The following SMYD2 variants were observed in gnomAD, a reference collection of about 807,000 sequenced individuals.
SMYD2 encodes the protein SET and MYND domain containing 2, also known as N-lysine methyltransferase SMYD2.
In SMYD2, 53 loss-of-function variants were observed where a neutral mutation model predicts 59.1. The ratio of observed to expected loss-of-function variants is 0.90; its 90% CI spans 0.72 to 1.13. The LOEUF (loss-of-function observed/expected upper bound fraction) is 1.13. SMYD2 is among the 50% of genes most tolerant of loss of function. The pLI, the probability that SMYD2 is intolerant of heterozygous loss-of-function variation, is 0.00. For synonymous variants in SMYD2, 208 were observed against 198.8 expected (o/e 1.05, Z -0.39); for missense variants, 494 against 544.7 (o/e 0.91, Z 0.93).
At chr1:214,321,297 GAATT>G (rs1401797896) in intron 5 of SMYD2, among the ~76,000 whole-genome samples, 4 of 152,012 alleles carry the variant, frequency 2.6e-5, no homozygotes, top group Admixed American at 6.6e-5. Flanking sequence ...TAACTATAGA[GAATT>G]AATTCCTTTA....
intron 10 of SMYD2, chr1:214,332,471 A>G (rs1045912677): frequency 1.5e-5 from 4 of 269,714 alleles, no homozygotes; most frequent in Admixed American, 5.0e-5. Flanking sequence ...AACTCAGGCT[A>G]GTTTTGAGAA....
intron 2 of SMYD2, among the ~76,000 whole-genome samples, chr1:214,307,937 G>A (rs898749652): frequency 1.7e-4 from 26 of 152,326 alleles, no homozygotes; most frequent in Non-Finnish European, 2.9e-4. Flanking sequence ...ACAGGTGGCC[G>A]CCTCATAATG....
chr1:214,291,727 C>T (rs1558048458), intron 1 of SMYD2, among the ~76,000 whole-genome samples: 2 of 152,190 alleles, frequency 1.3e-5, no homozygotes, highest in Non-Finnish European at 2.9e-5. Context: ...AGTCCTACAA[C>T]TACAACACCC....
intron 3 of SMYD2, among the ~76,000 whole-genome samples, chr1:214,315,706 G>C (rs988910772): frequency 7.9e-5 from 12 of 152,222 alleles, no homozygotes; most frequent in African/African-American, 2.9e-4. Flanking sequence ...ACCCACCAGA[G>C]CCAGGGCTTA....
intron 8 of SMYD2, 69 bp from the exon 9 acceptor site, chr1:214,330,881 T>G: frequency 6.2e-7 from 1 of 1,609,298 alleles, no homozygotes; most frequent in Non-Finnish European, 8.5e-7. Context: ...GTGTATTATA[T>G]GAGAGGTTTC....
At chr1:214,311,523 G>T (rs929566124) in intron 2 of SMYD2, among the ~76,000 whole-genome samples, 3 of 152,142 alleles carry the variant, frequency 2.0e-5, no homozygotes, top group Admixed American at 6.5e-5. Flanking sequence ...GCTTCGCTGC[G>T]AGTGGGGATA....
At position 214,281,194 on chromosome 1, in the gene SMYD2, A is replaced by C. The variant is rs139477112; in HGVS notation, c.-61A>C. 5,373 of 1,172,586 alleles carry C rather than the reference A, an allele frequency of 4.6e-3. 208 individuals carry two copies. The African/African-American group carries it at 0.077, about 17-fold the overall frequency. The allele number at this position is 1,172,586 out of a possible 1,614,324, so 72.6% of individuals were successfully genotyped here. On this transcript the variant is annotated 5_prime_UTR_variant, in exon 1 of 12. Coordinates refer to ENST00000366957, the MANE Select transcript of SMYD2 (RefSeq NM_020197.3). The stretch of plus-strand genomic sequence containing the variant: ...CCGCAGCTCTAGGTGACGCGTCTCC[A>C]ATAACAGCTCGCCGGGAGCCGCAGC...
chr1:214,319,832 G>A (rs1657141955), intron 5 of SMYD2, among the ~76,000 whole-genome samples: 1 of 152,248 alleles, frequency 6.6e-6, no homozygotes, highest in Admixed American at 6.5e-5. Flanking sequence ...CTCCATGGGA[G>A]CAAGAAGCTA....
At chr1:214,288,267 C>A (rs1380232806) in intron 1 of SMYD2, among the ~76,000 whole-genome samples, 1 of 152,186 alleles carries the variant, frequency 6.6e-6, no homozygotes, top group Non-Finnish European at 1.5e-5. Flanking sequence ...TTGATCCTTC[C>A]AAGGATGGCT....
intron 6 of SMYD2, among the ~76,000 whole-genome samples, chr1:214,325,499 G>A (rs982554315): frequency 3.3e-5 from 5 of 152,126 alleles, no homozygotes; most frequent in Non-Finnish European, 5.9e-5. Flanking sequence ...ATACTGCAGG[G>A]GCCTTTGCCT....
chr1:214,304,601 TA>T (rs1374589990), intron 1 of SMYD2, among the ~76,000 whole-genome samples: 3 of 147,430 alleles, frequency 2.0e-5, no homozygotes, highest in Middle Eastern at 3.4e-3. Flanking sequence ...CTCCACTTGC[TA>T]GGTTGCACTT....
chr1:214,324,641 G>A lies in SMYD2; in HGVS notation c.535G>A (p.Val179Ile). The change falls in exon 6 of 12, where the codon GTT becomes ATT. Residue 179 changes from valine to isoleucine, a missense_variant and splice_region_variant. Val to Ile is a conservative substitution (Grantham distance 29, BLOSUM62 3). Coordinates refer to ENST00000366957, the MANE Select transcript of SMYD2 (RefSeq NM_020197.3). ...CCTTTCTCCCTTTTTCTTGCTGCAG[G>A]TTAACTGTAATGGCTTCACAATTGA... is the stretch of plus-strand genomic sequence containing the variant. ...NDSLVVLFAQVNCNGFTIEDE... is the reference protein window; with the variant it reads ...NDSLVVLFAQINCNGFTIEDE... 1 of 1,609,094 alleles carries A rather than the reference G, an allele frequency of 6.2e-7. No homozygotes were observed. Among genetic ancestry groups the A allele is most frequent in the Non-Finnish European group, 8.5e-7 (1 of 1,177,958 alleles).
At chr1:214,327,570 A>T in intron 6 of SMYD2, 52 bp from the exon 7 acceptor site, 1 of 1,453,108 alleles carries the variant, frequency 6.9e-7, no homozygotes, top group Non-Finnish European at 9.7e-7. Flanking sequence ...AAGGAAGCTA[A>T]ACAGTCTGCC....
intron 11 of SMYD2, among the ~76,000 whole-genome samples, chr1:214,336,151 G>A (rs929987803): frequency 4.3e-5 from 4 of 92,002 alleles, no homozygotes; most frequent in East Asian, 2.5e-4. Context: ...TCATGACATC[G>A]TTTCTCCAGC....
intron 1 of SMYD2, among the ~76,000 whole-genome samples, chr1:214,282,065 A>G (rs1327975952): frequency 6.6e-6 from 1 of 152,226 alleles, no homozygotes; most frequent in African/African-American, 2.4e-5. Context: ...TTAGGAAAAC[A>G]TGGTCGCAGG....
Position 214,318,141 on chromosome 1 carries a change from T to A in SMYD2, c.409+2T>A. On this transcript the variant is annotated splice_donor_variant, in intron 4 of 11. Coordinates refer to ENST00000366957, the MANE Select transcript of SMYD2 (RefSeq NM_020197.3). LOFTEE classifies it high-confidence loss of function. The surrounding 1 kb of genome is among the most constrained non-coding windows in gnomAD (Gnocchi z 5.4). ...TAGCTGTGAAGGAGTTTGAATCACG[T>A]AAGTCTTTCTGTGACCAGCCGCGCA... 6.2e-7 allele frequency: 1 copy of A among 1,613,806 alleles called. No homozygotes were observed. The highest frequency in any genetic ancestry group is 1.1e-5 in the South Asian group (1 of 90,980).
At position 214,334,261 on chromosome 1, in the gene SMYD2, TACATGGGCCTGGA is replaced by T. The variant is rs1657402031; in HGVS notation, c.1178_1190del (p.Met393ThrfsTer9). 1.2e-6 allele frequency: 2 copies of T among 1,613,934 alleles called. No individual in the cohort carries two copies. The highest frequency in any genetic ancestry group is 1.7e-6 in the Non-Finnish European group (2 of 1,180,044). On this transcript the variant is annotated frameshift_variant, in exon 11 of 12. Transcript: ENST00000366957. LOFTEE classifies it high-confidence loss of function. Reference sequence around the variant, plus strand: ...CATGTGGTTGAAGCTAGGGAGACTCTACATGGGCCTGGAACACAAAGCCGCAGGGGAGAAAGCC... The same window carrying T: ...CATGTGGTTGAAGCTAGGGAGACTCTACACAAAGCCGCAGGGGAGAAAGCC...
chr1:214,316,077 G>C (rs535717377), intron 3 of SMYD2, among the ~76,000 whole-genome samples: 1 of 152,330 alleles, frequency 6.6e-6, no homozygotes, highest in East Asian at 1.9e-4. Context: ...GAAATAGGCA[G>C]TGTGGGGCTT....
At chr1:214,328,792 C>A (rs1336605873) in intron 7 of SMYD2, among the ~76,000 whole-genome samples, 4 of 152,214 alleles carry the variant, frequency 2.6e-5, no homozygotes, top group Non-Finnish European at 5.9e-5. Flanking sequence ...AAATCCATTA[C>A]GATGAGGGTG....
Sources: allele counts gnomAD v4.1 joint callset (sites outside exome capture counted in the v4.1 genomes callset), GRCh38; gene constraint gnomAD v4.1.1; non-coding constraint Gnocchi (gnomAD v3.1); transcripts MANE v1.5; gene names NCBI Gene and HGNC (gene_info 2026-07-23, HGNC 2026-07-21).